The following ATR variants were observed in gnomAD, a reference collection of about 807,000 sequenced individuals.
ATR encodes serine/threonine-protein kinase ATR.
Under a neutral mutation model 305.3 loss-of-function variants are expected in ATR, and 142 were observed. That is an observed-to-expected ratio of 0.47 (90% CI 0.41 to 0.53). The LOEUF is 0.53. ATR is among the 20% of genes least tolerant of loss of function. ATR has a pLI of 0.00. For synonymous variants in ATR, 1,050 were observed against 1,068.1 expected (o/e 0.98, Z 0.33); for missense variants, 2,135 against 3,133.1 (o/e 0.68, Z 7.60).
chr3:142,457,340 A>T (rs2070929037), intron 45 of ATR, among the ~76,000 whole-genome samples: 1 of 152,106 alleles, frequency 6.6e-6, no homozygotes, highest in South Asian at 2.1e-4. Flanking sequence ...TGCCTACGGA[A>T]TTTCTTTTTG....
chr3:142,562,049 C>T (rs901363665), intron 4 of ATR, among the ~76,000 whole-genome samples, 183 bp downstream of exon 4: 7 of 151,904 alleles, frequency 4.6e-5, no homozygotes, highest in African/African-American at 1.5e-4. Flanking sequence ...TGAACAAATC[C>T]TTCTGAAATC....
At position 142,553,414 on chromosome 3, in the gene ATR, A is replaced by G. The variant is rs1314212898; in HGVS notation, c.2634-16T>C. 5.0e-6 allele frequency: 8 copies of G among 1,607,924 alleles called. No homozygotes were observed. In the East Asian group the frequency reaches 1.8e-4, roughly 36 times the overall value. ...TTTTGCGGCCCTAAAATTAAAAACA[A>G]CATACATATGAATACACAAACACAC... On this transcript the variant is annotated splice_polypyrimidine_tract_variant and intron_variant, in intron 12 of 46. Coordinates refer to ENST00000350721, the MANE Select transcript of ATR (RefSeq NM_001184.4).
chr3:142,526,524 A>C (rs750546027), intron 21 of ATR, among the ~76,000 whole-genome samples: 11 of 151,892 alleles, frequency 7.2e-5, no homozygotes, highest in Non-Finnish European at 1.2e-4. Flanking sequence ...ATGTATATAT[A>C]TACATAGTAC....
rs1351959616 is a variant in ATR, at chr3:142,553,320, A to G, written c.2712T>C (p.Ser904=). 1.9e-6 allele frequency: 3 copies of G among 1,614,080 alleles called. No individual in the cohort carries two copies. The highest frequency in any genetic ancestry group is 1.7e-6 in the Non-Finnish European group (2 of 1,179,980). ...CTCTAATTTCTGTGTATGCTGCTCCAGAGACAGATGCTGACTTGGATAACA... is the reference window on the plus strand; with the variant it reads ...CTCTAATTTCTGTGTATGCTGCTCCGGAGACAGATGCTGACTTGGATAACA... ...HCLLSKSASV[S]GAAYTEIRAL... The change falls in exon 13 of 47, where the codon TCT becomes TCC. Residue 904 remains serine (S), a synonymous_variant. Transcript: ENST00000350721.
chr3:142,450,130 A>C, intron 46 of ATR: 1 of 334,330 alleles, frequency 3.0e-6, no homozygotes. Flanking sequence ...CCACGAGCAC[A>C]AAGAGGAGGG....
chr3:142,571,381 G>A (rs1462089640), intron 1 of ATR, among the ~76,000 whole-genome samples: 2 of 152,022 alleles, frequency 1.3e-5, no homozygotes, highest in Non-Finnish European at 2.9e-5. Flanking sequence ...CAGGAGAATC[G>A]CTTGAATCTG....
rs183019723 is a variant in ATR, at chr3:142,534,627, T to C, written c.3945+453A>G. 1.5e-3 allele frequency among the ~76,000 whole-genome samples: 228 copies of C among 152,236 alleles called. 1 individual carries two copies. Among genetic ancestry groups the C allele is most frequent in the African/African-American group, 5.1e-3 (213 of 41,566 alleles). On this transcript the variant is annotated intron_variant, in intron 21 of 46. Coordinates refer to ENST00000350721, the MANE Select transcript of ATR (RefSeq NM_001184.4). ...AGTTTAGGGATAATCTACATTATGT[T>C]GCCAAAGAAAAGAATAAAGTTCACT...
At chr3:142,524,322 G>A in intron 21 of ATR, 123 bp from the exon 22 acceptor site, 1 of 958,022 alleles carries the variant, frequency 1.0e-6, no homozygotes, top group Non-Finnish European at 1.5e-6. Flanking sequence ...TTAAATTTCT[G>A]TATCTGCAAT....
chr3:142,524,158 T>A lies in ATR; in HGVS notation c.3987A>T (p.Glu1329Asp). Residue 1329 changes from glutamate (E) to aspartate (D), a missense_variant, in exon 22 of 47, where the codon GAA becomes GAT. This residue lies in a region of ATR where 530 missense variants were observed against 766.8 expected (regional missense o/e 0.69). Transcript: ENST00000350721. The part of the protein sequence containing the change: ...IKYATDSETV[E>D]PIISQLVTVL... Reference sequence around the variant, plus strand: ...CTGTCACCAACTGTGAGATAATAGGTTCTACTGTTTCACTGTCTGTTGCAT... The same window carrying A: ...CTGTCACCAACTGTGAGATAATAGGATCTACTGTTTCACTGTCTGTTGCAT... 1 of 1,614,054 alleles carries A rather than the reference T, an allele frequency of 6.2e-7. No homozygotes were observed. Among genetic ancestry groups the A allele is most frequent in the Non-Finnish European group, 8.5e-7 (1 of 1,179,932 alleles).
intron 27 of ATR, among the ~76,000 whole-genome samples, chr3:142,509,095 T>C (rs370327815): frequency 1.3e-5 from 2 of 152,280 alleles, no homozygotes; most frequent in East Asian, 3.8e-4. Context: ...TAATGATTCA[T>C]AAGTGTGTAG....
intron 24 of ATR, among the ~76,000 whole-genome samples, chr3:142,519,392 CCT>C (rs2033046223): frequency 6.6e-6 from 1 of 151,894 alleles, no homozygotes; most frequent in Non-Finnish European, 1.5e-5. Context: ...ACCTCTGCCT[CCT>C]GGGTTCAAGT....
chr3:142,505,113 C>T (rs1034255781), intron 29 of ATR, 26 bp downstream of exon 29: 1 of 1,612,890 alleles, frequency 6.2e-7, no homozygotes, highest in Non-Finnish European at 8.5e-7. Flanking sequence ...ATTTTCATTA[C>T]AGTTGCCTTT....
intron 42 of ATR, 117 bp from the exon 43 acceptor site, chr3:142,459,500 C>G (rs1335525142): frequency 8.3e-7 from 1 of 1,205,026 alleles, no homozygotes; most frequent in African/African-American, 1.5e-5. Flanking sequence ...TATTGAAAAA[C>G]AAGAATAAAG....
At position 142,458,998 on chromosome 3, in the gene ATR, CCAGT is replaced by C; in HGVS notation, c.7459_7462del (p.Thr2487ValfsTer6). ...ATTGAAATCTACATGTACGCATTCA[CCAGT>C]CAAAGAATCAAAGAGAATATTTTCA... On this transcript the variant is annotated frameshift_variant, in exon 44 of 47. Coordinates refer to ENST00000350721, the MANE Select transcript of ATR (RefSeq NM_001184.4). LOFTEE classifies it high-confidence loss of function. The C allele has an allele frequency of 6.2e-7, 1 of 1,613,824 alleles. No homozygotes were observed. Among genetic ancestry groups the C allele is most frequent in the Non-Finnish European group, 8.5e-7 (1 of 1,179,788 alleles).
intron 1 of ATR, among the ~76,000 whole-genome samples, chr3:142,575,942 T>C (rs1343106316): frequency 6.6e-6 from 1 of 152,236 alleles, no homozygotes; most frequent in Non-Finnish European, 1.5e-5. Flanking sequence ...TTAAGTGTGC[T>C]GGAATGTCAA....
chr3:142,566,410 G>C (rs2035073640), intron 2 of ATR, 149 bp from the exon 3 acceptor site: 1 of 853,570 alleles, frequency 1.2e-6, no homozygotes, highest in East Asian at 2.7e-5. Context: ...CCTGAGCCCA[G>C]GAACTCAAGA....
At chr3:142,475,763 T>C (rs1397213300) in intron 36 of ATR, among the ~76,000 whole-genome samples, 1 of 152,152 alleles carries the variant, frequency 6.6e-6, no homozygotes, top group African/African-American at 2.4e-5. Flanking sequence ...GCACCTGTTG[T>C]TTCCTGACTT....
intron 1 of ATR, among the ~76,000 whole-genome samples, chr3:142,576,546 G>A (rs77954762): frequency 1.3e-5 from 2 of 152,118 alleles, no homozygotes; most frequent in African/African-American, 4.8e-5. Context: ...ATGGTGCCAT[G>A]TACTGAGATA....
intron 14 of ATR, 49 bp downstream of exon 14, chr3:142,550,083 A>C (rs1252912115): frequency 6.2e-7 from 1 of 1,601,226 alleles, no homozygotes; most frequent in Admixed American, 1.7e-5. Flanking sequence ...AATGGAATGA[A>C]CAAAATACTG....
Sources: gnomAD v4.1 joint callset for allele counts (sites outside exome capture counted in the v4.1 genomes callset) on GRCh38, gnomAD v4.1.1 for gene constraint, gnomAD v4.1.1 regional missense constraint, MANE v1.5 for transcripts, NCBI Gene and HGNC (gene_info 2026-07-23, HGNC 2026-07-21) for gene names.